Variants in INTS6 observed in about 807,000 individuals in gnomAD.
INTS6 encodes the protein DEAD box protein.
A neutral mutation model predicts 104.9 loss-of-function variants in INTS6; 16 were observed. That is an observed-to-expected ratio of 0.15 (90% CI 0.10 to 0.23). INTS6 has a LOEUF of 0.23. Ranked by LOEUF, INTS6 falls within the 10% of genes least tolerant of loss-of-function variation. The pLI is 1.00. For missense variants in INTS6, 584 were observed against 1,062.8 expected (o/e 0.55, Z 6.26); for synonymous variants, 324 against 358.7 (o/e 0.90, Z 1.09).
chr13:51,431,370 C>T (rs185246356), intron 3 of INTS6, among the ~76,000 whole-genome samples: 15 of 152,158 alleles, frequency 9.9e-5, no homozygotes, highest in African/African-American at 1.2e-4. Context: ...TGCATATGAG[C>T]CACTTGGAGA....
chr13:51,432,797 G>A (rs936860488), intron 3 of INTS6, among the ~76,000 whole-genome samples: 1 of 152,140 alleles, frequency 6.6e-6, no homozygotes, highest in Non-Finnish European at 1.5e-5. Context: ...GTGTCTTTCA[G>A]CCATCCACTA....
intron 5 of INTS6, 36 bp downstream of exon 5, chr13:51,395,264 T>C (rs1218028686): frequency 6.4e-7 from 1 of 1,565,136 alleles, no homozygotes; most frequent in South Asian, 1.2e-5. Flanking sequence ...TAAAATCTGC[T>C]TTAAGTTACC....
At chr13:51,336,249 A>T in the INTS6 span, among the ~76,000 whole-genome samples, 2,197 of 152,320 alleles carry the variant, frequency 0.014, 30 homozygotes, top group South Asian at 0.037. Flanking sequence ...GCACTTTGGG[A>T]GACTGAGGCA....
intron 4 of INTS6, among the ~76,000 whole-genome samples, chr13:51,399,682 T>A (rs1956400437): frequency 6.6e-6 from 1 of 151,946 alleles, no homozygotes; most frequent in South Asian, 2.1e-4. Flanking sequence ...TAGTTTTGGC[T>A]GTCTTTTTCA....
chr13:51,403,194 G>C (rs1396614939), intron 4 of INTS6, among the ~76,000 whole-genome samples: 1 of 152,098 alleles, frequency 6.6e-6, no homozygotes, highest in Non-Finnish European at 1.5e-5. Flanking sequence ...TTCAACTCAG[G>C]AATCTAAACA....
At chr13:51,368,322 A>C (rs1172943941) in intron 16 of INTS6, among the ~76,000 whole-genome samples, 3 of 152,098 alleles carry the variant, frequency 2.0e-5, no homozygotes, top group African/African-American at 7.2e-5. Context: ...TAAAGTTTTC[A>C]TATGAAACTC....
In INTS6 at chr13:51,370,019, C is replaced by G. The variant is rs75237711; in HGVS notation, c.2105-709G>C. Reference sequence around the variant, plus strand: ...TGCTCACCAACCTCCAGGATCCCAGCTGAATTCATCTCTACTGTCCTCATT... The same window carrying G: ...TGCTCACCAACCTCCAGGATCCCAGGTGAATTCATCTCTACTGTCCTCATT... On this transcript the variant is annotated intron_variant, in intron 15 of 17. Coordinates refer to ENST00000311234, the MANE Select transcript of INTS6 (RefSeq NM_012141.3). 8.9e-3 allele frequency among the ~76,000 whole-genome samples: 1,350 copies of G among 152,260 alleles called. 19 individuals carry two copies. Among genetic ancestry groups the G allele is most frequent in the African/African-American group, 0.028 (1,173 of 41,548 alleles).
intron 3 of INTS6, chr13:51,449,741 T>C (rs1427250066): frequency 2.0e-6 from 2 of 985,294 alleles, no homozygotes; most frequent in Admixed American, 6.1e-5. Flanking sequence ...GGAAATCCAC[T>C]ACTATTTTAC....
rs760735863 is a variant in INTS6, at chr13:51,452,053, G to A, written c.114C>T (p.Leu38=). Residue 38 remains leucine (L), a splice_region_variant and synonymous_variant, in exon 2 of 18, where the codon CTC becomes CTT. Coordinates refer to ENST00000311234, the MANE Select transcript of INTS6 (RefSeq NM_012141.3). The surrounding 1 kb of genome is among the most constrained non-coding windows in gnomAD (Gnocchi z 4.2). ...AKGAVETFMK[L]RARDPASRGD... ...CTCTGCTGGCAGGGTCCCGGGCACG[G>A]AGCTGCGGGACGGGAGGAGGAACAG... is the stretch of plus-strand genomic sequence containing the variant. 18 of 1,609,798 alleles carry A rather than the reference G, an allele frequency of 1.1e-5. No individual in the cohort carries two copies. In the South Asian group the frequency reaches 1.9e-4, roughly 17 times the overall value.
At chr13:51,376,282 T>C in intron 12 of INTS6, 108 bp from the exon 13 acceptor site, 2 of 802,176 alleles carry the variant, frequency 2.5e-6, no homozygotes, top group Non-Finnish European at 3.6e-6. Context: ...ATAAACTGGT[T>C]AGCTTAAAAA....
At chr13:51,349,270 T>A (rs1333023989), downstream of INTS6, among the ~76,000 whole-genome samples, 1 of 151,954 alleles carries the variant, frequency 6.6e-6, no homozygotes, top group Non-Finnish European at 1.5e-5. Flanking sequence ...TAAAAGTAAA[T>A]CTATGCACTA....
chr13:51,345,120 GTTGA>G, the INTS6 span, among the ~76,000 whole-genome samples: 8 of 152,136 alleles, frequency 5.3e-5, no homozygotes, highest in African/African-American at 1.9e-4. Flanking sequence ...ACTGCTCCCA[GTTGA>G]TTGTCTCAGT....
intron 4 of INTS6, among the ~76,000 whole-genome samples, chr13:51,410,654 A>C (rs911940979): frequency 1.3e-5 from 2 of 152,188 alleles, no homozygotes; most frequent in South Asian, 2.1e-4. Flanking sequence ...CTAGGAAAAG[A>C]TCTCTTAAAT....
At chr13:51,403,459 G>C (rs957730256) in intron 4 of INTS6, among the ~76,000 whole-genome samples, 1 of 151,822 alleles carries the variant, frequency 6.6e-6, no homozygotes, top group African/African-American at 2.4e-5. Flanking sequence ...GCACGTGCCC[G>C]TAGTCCCAGC....
intron 2 of INTS6, chr13:51,451,421 CCTAAT>C (rs527717838): frequency 2.6e-5 from 7 of 270,926 alleles, no homozygotes; most frequent in Non-Finnish European, 4.1e-5. Context: ...AAATTTACTA[CCTAAT>C]CTAATACCCA....
chr13:51,440,838 C>T (rs1189278509), intron 3 of INTS6: 1 of 152,154 alleles, frequency 6.6e-6, no homozygotes, highest in Non-Finnish European at 1.5e-5. Context: ...ACAGATCTGC[C>T]TAATGGTGCA....
At chr13:51,369,361 A>G (rs760226279) in intron 15 of INTS6, 51 bp from the exon 16 acceptor site, 63 of 1,521,544 alleles carry the variant, frequency 4.1e-5, no homozygotes, top group Non-Finnish European at 4.1e-5. Context: ...CTCAAAGCAT[A>G]CAGTAAATAA....
chr13:51,412,974 A>G (rs7336209), intron 4 of INTS6, among the ~76,000 whole-genome samples: 64,871 of 151,992 alleles, frequency 0.43, 14,467 homozygotes, highest in African/African-American at 0.56. Flanking sequence ...ATATAATCAA[A>G]TGCGAAATTT....
the INTS6 span, among the ~76,000 whole-genome samples, chr13:51,340,530 T>C: frequency 6.6e-6 from 1 of 152,216 alleles, no homozygotes; most frequent in East Asian, 1.9e-4. Context: ...TCTTTCCCCA[T>C]ACAAATGAGT....
Sources: allele counts gnomAD v4.1 joint callset (sites outside exome capture counted in the v4.1 genomes callset), GRCh38; gene constraint gnomAD v4.1.1; non-coding constraint Gnocchi (gnomAD v3.1); transcripts MANE v1.5; gene names NCBI Gene and HGNC (gene_info 2026-07-23, HGNC 2026-07-21).